Variants in PHACTR1 observed in about 807,000 individuals in gnomAD.
The protein encoded by PHACTR1 is RPEL repeat containing 1.
Under a neutral mutation model 69.2 loss-of-function variants are expected in PHACTR1, and 16 were observed. The ratio of observed to expected loss-of-function variants is 0.23; its 90% CI spans 0.16 to 0.35. The LOEUF is 0.35. Ranked by LOEUF, PHACTR1 falls within the 10% of genes least tolerant of loss-of-function variation. PHACTR1 has a pLI of 1.00. For synonymous variants in PHACTR1, 312 were observed against 284.5 expected (o/e 1.10, Z -0.97); for missense variants, 510 against 734.7 (o/e 0.69, Z 3.54).
intron 4 of PHACTR1, among the ~76,000 whole-genome samples, chr6:12,756,090 C>CA (rs1020251613): frequency 5.3e-5 from 8 of 151,392 alleles, no homozygotes; most frequent in South Asian, 2.1e-4. Context: ...AACACTAAAG[C>CA]AAAAAAAATG....
chr6:12,950,060 A>G (rs1344893288), intron 4 of PHACTR1, among the ~76,000 whole-genome samples: 1 of 152,200 alleles, frequency 6.6e-6, no homozygotes, highest in Non-Finnish European at 1.5e-5. Flanking sequence ...TTAGCTGTTT[A>G]AAACAATAAT....
intron 4 of PHACTR1, among the ~76,000 whole-genome samples, chr6:12,815,119 C>T (rs919749882): frequency 1.3e-5 from 2 of 152,096 alleles, no homozygotes; most frequent in African/African-American, 4.8e-5. Context: ...GTAGAAACAC[C>T]CCCATGCCAT....
In PHACTR1 at chr6:13,246,355, C is replaced by T. The variant is rs1379877998; in HGVS notation, c.1391+16162C>T. Among the ~76,000 whole-genome samples, 1 of 151,944 alleles carries T rather than the reference C, an allele frequency of 6.6e-6. No individual in the cohort carries two copies. Among genetic ancestry groups the T allele is most frequent in the Non-Finnish European group, 1.5e-5 (1 of 68,024 alleles). On this transcript the variant is annotated intron_variant, in intron 10 of 14. Coordinates refer to ENST00000332995, the MANE Select transcript of PHACTR1 (RefSeq NM_030948.6). This position sits in a 1 kb window ranked among gnomAD's most constrained non-coding sequence, Gnocchi z 4.2. The stretch of plus-strand genomic sequence containing the variant: ...ACGGCCACCATGATCTTCCTTGATC[C>T]CACTTAGCCAAAAGAACACTGAAAT...
intron 4 of PHACTR1, among the ~76,000 whole-genome samples, chr6:13,005,366 A>G (rs1304666526): frequency 6.6e-6 from 1 of 152,010 alleles, no homozygotes. Context: ...TACATACAAC[A>G]TTCACATATT....
intron 12 of PHACTR1, among the ~76,000 whole-genome samples, chr6:13,281,854 G>A (rs1780325246): frequency 6.6e-6 from 1 of 152,240 alleles, no homozygotes; most frequent in African/African-American, 2.4e-5. Flanking sequence ...GTGCCAGAAT[G>A]TTGTCGTGCC....
At chr6:13,084,912 A>T (rs930192814) in intron 5 of PHACTR1, among the ~76,000 whole-genome samples, 8 of 152,146 alleles carry the variant, frequency 5.3e-5, no homozygotes, top group Non-Finnish European at 1.2e-4. Flanking sequence ...AGGATAAAGA[A>T]AACTTTATCA....
At chr6:12,992,903 C>T (rs1264369050) in intron 4 of PHACTR1, among the ~76,000 whole-genome samples, 2 of 152,120 alleles carry the variant, frequency 1.3e-5, no homozygotes, top group Non-Finnish European at 2.9e-5. Flanking sequence ...TTACATAGTG[C>T]GTGAAGAAGC....
chr6:12,857,117 T>C (rs558272034), intron 4 of PHACTR1, among the ~76,000 whole-genome samples: 3 of 152,324 alleles, frequency 2.0e-5, no homozygotes, highest in Admixed American at 6.5e-5. Context: ...AGGACCTCTG[T>C]GTATGTAGTA....
At chr6:13,025,699 G>GTGTGTGTGTGTC (rs892566419) in intron 4 of PHACTR1, among the ~76,000 whole-genome samples, 1 of 151,874 alleles carries the variant, frequency 6.6e-6, no homozygotes, top group African/African-American at 2.4e-5. Context: ...GTGTGTGTGT[G>GTGTGTGTGTGTC]TGTGTGTGTG....
chr6:13,258,349 C>T (rs1308127210), intron 10 of PHACTR1, among the ~76,000 whole-genome samples: 1 of 127,800 alleles, frequency 7.8e-6, no homozygotes, highest in East Asian at 2.0e-4. Flanking sequence ...AGAGAGACAC[C>T]GTCTTAAAAA....
intron 5 of PHACTR1, among the ~76,000 whole-genome samples, chr6:13,099,681 G>T (rs1288676339): frequency 6.6e-6 from 1 of 152,170 alleles, no homozygotes; most frequent in Non-Finnish European, 1.5e-5. Flanking sequence ...GATAACTTAG[G>T]TAAAATCCAA....
chr6:12,816,278 T>C (rs1775569854), intron 4 of PHACTR1, among the ~76,000 whole-genome samples: 1 of 152,232 alleles, frequency 6.6e-6, no homozygotes, highest in Non-Finnish European at 1.5e-5. Flanking sequence ...GGAAGCCCCA[T>C]GCTTTTTGAG....
intron 4 of PHACTR1, among the ~76,000 whole-genome samples, chr6:12,750,019 C>G (rs1424169047): frequency 6.6e-6 from 1 of 152,176 alleles, no homozygotes; most frequent in Non-Finnish European, 1.5e-5. Flanking sequence ...CGGGCTTCCC[C>G]GGCACGGGGA....
chr6:12,988,802 C>T (rs890130034), intron 4 of PHACTR1, among the ~76,000 whole-genome samples: 1 of 152,218 alleles, frequency 6.6e-6, no homozygotes, highest in African/African-American at 2.4e-5. Context: ...CGCCTTGCTG[C>T]CTCCTGCTGT....
chr6:12,985,539 AAAAT>A (rs1412852917), intron 4 of PHACTR1, among the ~76,000 whole-genome samples: 178 of 132,980 alleles, frequency 1.3e-3, no homozygotes, highest in African/African-American at 4.9e-3. Context: ...AAAAAAAAAA[AAAAT>A]ATATATATAT....
intron 10 of PHACTR1, among the ~76,000 whole-genome samples, chr6:13,238,944 G>A (rs1296764721): frequency 6.6e-6 from 1 of 152,224 alleles, no homozygotes; most frequent in Non-Finnish European, 1.5e-5. Context: ...ATAGACTGGA[G>A]TGAAGTTTTA....
chr6:13,098,709 A>AT (rs1228663389), intron 5 of PHACTR1, among the ~76,000 whole-genome samples: 1 of 152,128 alleles, frequency 6.6e-6, no homozygotes, highest in Non-Finnish European at 1.5e-5. Context: ...TGAACACCTC[A>AT]TTGTCTACCA....
intron 8 of PHACTR1, among the ~76,000 whole-genome samples, chr6:13,218,096 A>G (rs573622600): frequency 6.6e-6 from 1 of 152,368 alleles, no homozygotes; most frequent in Non-Finnish European, 1.5e-5. Flanking sequence ...CAGTGGATGC[A>G]TTTAAAATCA....
chr6:12,722,600 C>A (rs1762264304), intron 3 of PHACTR1, among the ~76,000 whole-genome samples: 1 of 152,152 alleles, frequency 6.6e-6, no homozygotes, highest in African/African-American at 2.4e-5. Context: ...GAGAAAAATT[C>A]TTTTGGAATT....
Sources: gnomAD v4.1 joint callset for allele counts (sites outside exome capture counted in the v4.1 genomes callset) on GRCh38, gnomAD v4.1.1 for gene constraint, Gnocchi (gnomAD v3.1) non-coding constraint, MANE v1.5 for transcripts, NCBI Gene and HGNC (gene_info 2026-07-23, HGNC 2026-07-21) for gene names.